LAMA4: variants seen among roughly 807,000 people sequenced by gnomAD.
The protein encoded by LAMA4 is laminin subunit alpha 4.
A neutral mutation model predicts 207.1 loss-of-function variants in LAMA4; 127 were observed. That is an observed-to-expected ratio of 0.61 (90% CI 0.53 to 0.71). LAMA4 has a LOEUF of 0.71. LAMA4 is among the 30% of genes least tolerant of loss of function. LAMA4 has a pLI of 0.00. For synonymous variants in LAMA4, 761 were observed against 816.0 expected (o/e 0.93, Z 1.15); for missense variants, 2,093 against 2,246.5 (o/e 0.93, Z 1.38).
intron 5 of LAMA4, among the ~76,000 whole-genome samples, chr6:112,195,282 C>T (rs897833992): frequency 5.3e-5 from 8 of 152,164 alleles, no homozygotes; most frequent in African/African-American, 1.9e-4. Context: ...TAAATGCTCT[C>T]CACTTCTTTA....
At chr6:112,228,825 C>T (rs1163694932) in intron 2 of LAMA4, among the ~76,000 whole-genome samples, 1 of 152,120 alleles carries the variant, frequency 6.6e-6, no homozygotes, top group Non-Finnish European at 1.5e-5. Flanking sequence ...GTGCTGTAGC[C>T]TTTGGGCATC....
intron 5 of LAMA4, among the ~76,000 whole-genome samples, chr6:112,198,579 C>T (rs1439654637): frequency 6.6e-6 from 1 of 152,148 alleles, no homozygotes; most frequent in Non-Finnish European, 1.5e-5. Flanking sequence ...TCAGTTTCCT[C>T]ATCTGCAAGA....
In LAMA4 at chr6:112,136,266, A is replaced by G; in HGVS notation, c.3283-12T>C. On this transcript the variant is annotated splice_polypyrimidine_tract_variant and intron_variant, in intron 24 of 38. Coordinates refer to ENST00000230538, the MANE Select transcript of LAMA4 (RefSeq NM_001105206.3). ...CTGAAAAACATACTCTGAGGAGAGA[A>G]AGGAATTGTAAGATAGGAACATCTG... is the stretch of plus-strand genomic sequence containing the variant. 6.2e-7 allele frequency: 1 copy of G among 1,602,086 alleles called. No homozygotes were observed. Among genetic ancestry groups the G allele is most frequent in the African/African-American group, 1.3e-5 (1 of 74,742 alleles).
rs35563593 is a variant in LAMA4, at chr6:112,130,300, TTGTGTG to T, written c.3969-266_3969-261del. The T allele has an allele frequency of 1.6e-3, 599 of 382,146 alleles. 2 individuals are homozygous for T. Among genetic ancestry groups the T allele is most frequent in the African/African-American group, 9.6e-3 (450 of 46,786 alleles). 23.7% of individuals were successfully genotyped at this position (382,146 alleles called of 1,614,324 possible). On this transcript the variant is annotated intron_variant, in intron 29 of 38. Transcript: ENST00000230538. ...AGATGACTAGTCATCAGCATTATTT[TTGTGTG>T]TGTGTGTGTGTGTGTGTGTGTGTGT...
intron 3 of LAMA4, among the ~76,000 whole-genome samples, chr6:112,208,854 G>A (rs2115031135): frequency 6.6e-6 from 1 of 152,304 alleles, no homozygotes; most frequent in South Asian, 2.1e-4. Flanking sequence ...GTAGAATTTA[G>A]GGGCTAGTTC....
chr6:112,244,508 C>T lies in LAMA4; in HGVS notation c.195+9448G>A, dbSNP rs148805737. Reference sequence around the variant, plus strand: ...CTCAGGACTGCTTGTCTATAGAGTACGCACCCTTTTATTCCTTTACTTTCT... The same window carrying T: ...CTCAGGACTGCTTGTCTATAGAGTATGCACCCTTTTATTCCTTTACTTTCT... On this transcript the variant is annotated intron_variant, in intron 2 of 38. Transcript: ENST00000230538. Among the ~76,000 whole-genome samples the T allele has an allele frequency of 1.8e-4, 28 of 152,284 alleles. No homozygotes were observed. The East Asian group carries it at 2.7e-3, about 15-fold the overall frequency.
chr6:112,146,615 A>AG (rs35015918), intron 18 of LAMA4, among the ~76,000 whole-genome samples: 44,434 of 152,088 alleles, frequency 0.29, 7,180 homozygotes, highest in Admixed American at 0.37. Context: ...TCCTAAGGGC[A>AG]GGGCCATGGT....
chr6:112,121,564 C>T (rs10452633), intron 32 of LAMA4, among the ~76,000 whole-genome samples: 9,653 of 152,146 alleles, frequency 0.063, 991 homozygotes, highest in African/African-American at 0.22. Context: ...TGGAAAGAGG[C>T]GATGGGGTTG....
intron 5 of LAMA4, among the ~76,000 whole-genome samples, chr6:112,193,949 A>G (rs1783266280): frequency 6.6e-6 from 1 of 152,262 alleles, no homozygotes; most frequent in Admixed American, 6.5e-5. Context: ...TAAATTAACC[A>G]TAATGATACA....
intron 2 of LAMA4, among the ~76,000 whole-genome samples, chr6:112,239,341 A>AG (rs1786198317): frequency 6.6e-6 from 1 of 150,964 alleles, no homozygotes; most frequent in African/African-American, 2.4e-5. Context: ...AAAAAAAAAA[A>AG]GAGACCTGAG....
At chr6:112,109,852 T>C (rs1777598089) in intron 38 of LAMA4, among the ~76,000 whole-genome samples, 1 of 152,334 alleles carries the variant, frequency 6.6e-6, no homozygotes, top group African/African-American at 2.4e-5. Flanking sequence ...ATTTACCACT[T>C]ACATGTAAAG....
intron 3 of LAMA4, chr6:112,213,632 G>C (rs1259093437): frequency 1.2e-5 from 2 of 165,226 alleles, no homozygotes; most frequent in Non-Finnish European, 1.3e-5. Flanking sequence ...CTCTTTGCTT[G>C]CTTGATATGT....
At chr6:112,185,983 G>T (rs1782660740) in intron 8 of LAMA4, among the ~76,000 whole-genome samples, 2 of 152,200 alleles carry the variant, frequency 1.3e-5, no homozygotes, top group Admixed American at 6.5e-5. Context: ...CCCCTGGGGG[G>T]TAGTGTCTTC....
chr6:112,204,974 T>C (rs956757497), intron 4 of LAMA4, among the ~76,000 whole-genome samples: 9 of 152,190 alleles, frequency 5.9e-5, no homozygotes, highest in South Asian at 2.1e-4. Flanking sequence ...TTAGTTGATA[T>C]TGGTGTTCAA....
intron 5 of LAMA4, among the ~76,000 whole-genome samples, chr6:112,198,536 C>T (rs1168163484): frequency 6.6e-6 from 1 of 152,126 alleles, no homozygotes; most frequent in Non-Finnish European, 1.5e-5. Context: ...GCAGCAAAGA[C>T]CACCGCAATT....
In LAMA4 at chr6:112,139,659, A is replaced by C. The variant is rs145537740; in HGVS notation, c.3110+93T>G. ...GTTTCAAAACTGGCTTCCCCAAAGA[A>C]AAGTTTGAGAACCTGAATATTGACT... On this transcript the variant is annotated intron_variant, in intron 23 of 38. Coordinates refer to ENST00000230538, the MANE Select transcript of LAMA4 (RefSeq NM_001105206.3). 1.5e-4 allele frequency: 222 copies of C among 1,500,316 alleles called. 2 individuals are homozygous for C. The East Asian group carries it at 4.6e-3, about 31-fold the overall frequency. 92.9% of individuals were successfully genotyped at this position (1,500,316 alleles called of 1,614,324 possible).
Position 112,155,666 on chromosome 6 carries a change from C to A in LAMA4, c.1858G>T (p.Ala620Ser), listed in dbSNP as rs374001056. Reference protein sequence around the residue: ...SSDMNGLVQKALDASNVYENI... With the variant: ...SSDMNGLVQKSLDASNVYENI... The stretch of plus-strand genomic sequence containing the variant: ...TCATAGACATTTGATGCATCCAAAG[C>A]CTTCTGTACCAGCCCGTTCATATCT... The change falls in exon 15 of 39, where the codon GCT becomes TCT. Residue 620 changes from alanine to serine, a missense_variant. Physicochemically the swap from Ala to Ser is moderately conservative, Grantham distance 99. Coordinates refer to ENST00000230538, the MANE Select transcript of LAMA4 (RefSeq NM_001105206.3). The A allele has an allele frequency of 6.2e-7, 1 of 1,614,030 alleles. No individual in the cohort carries two copies. The highest frequency in any genetic ancestry group is 8.5e-7 in the Non-Finnish European group (1 of 1,179,922).
intron 4 of LAMA4, among the ~76,000 whole-genome samples, chr6:112,202,956 A>G (rs1783846366): frequency 1.3e-5 from 2 of 152,058 alleles, no homozygotes; most frequent in African/African-American, 4.8e-5. Flanking sequence ...ATTTTCCTTA[A>G]CTGGAGCGAT....
intron 11 of LAMA4, among the ~76,000 whole-genome samples, chr6:112,174,783 G>A (rs556068569): frequency 6.6e-6 from 1 of 152,328 alleles, no homozygotes; most frequent in South Asian, 2.1e-4. Flanking sequence ...GAGCCACCAC[G>A]CCCGGCCTGG....
Sources: allele counts gnomAD v4.1 joint callset (sites outside exome capture counted in the v4.1 genomes callset), GRCh38; gene constraint gnomAD v4.1.1; transcripts MANE v1.5; gene names NCBI Gene and HGNC (gene_info 2026-07-23, HGNC 2026-07-21).